ADAM29: variants seen among roughly 807,000 people sequenced by gnomAD.
ADAM29 encodes ADAM metallopeptidase domain 29.
For synonymous variants in ADAM29, 367 were observed against 342.3 expected (o/e 1.07, Z -0.80); for missense variants, 969 against 1,001.8 (o/e 0.97, Z 0.44).
chr4:174,961,863 C>G (rs989949060), intron 4 of ADAM29, among the ~76,000 whole-genome samples: 5 of 152,164 alleles, frequency 3.3e-5, no homozygotes, highest in African/African-American at 1.2e-4. Context: ...AAAGATTTCA[C>G]TGGCTTCTTC....
chr4:174,920,326 A>G (rs1484389087), intron 1 of ADAM29, among the ~76,000 whole-genome samples: 2 of 152,124 alleles, frequency 1.3e-5, no homozygotes, highest in South Asian at 2.1e-4. Flanking sequence ...AAAGTATGCA[A>G]TATTTCCTAA....
At chr4:174,945,822 G>C (rs1012615038) in intron 4 of ADAM29, among the ~76,000 whole-genome samples, 1 of 151,992 alleles carries the variant, frequency 6.6e-6, no homozygotes, top group Non-Finnish European at 1.5e-5. Flanking sequence ...CTTTATTTCT[G>C]AGTGCTCTGT....
intron 4 of ADAM29, among the ~76,000 whole-genome samples, chr4:174,943,816 GAA>G (rs11322609): frequency 3.6e-4 from 27 of 74,404 alleles, no homozygotes; most frequent in Admixed American, 4.4e-4. Context: ...AAATGTACAG[GAA>G]AAAAAAAAAA....
intron 4 of ADAM29, among the ~76,000 whole-genome samples, chr4:174,970,877 C>A (rs920198957): frequency 6.6e-6 from 1 of 151,870 alleles, no homozygotes; most frequent in African/African-American, 2.4e-5. Context: ...CTTTATCTAG[C>A]TAACATTTAT....
intron 4 of ADAM29, among the ~76,000 whole-genome samples, chr4:174,973,921 G>C (rs4615155): frequency 0.48 from 73,664 of 152,024 alleles, 18,514 homozygotes; most frequent in African/African-American, 0.63. Context: ...CATTCAGGCT[G>C]CATTTCACTG....
At chr4:174,922,102 T>C (rs572345318) in intron 2 of ADAM29, among the ~76,000 whole-genome samples, 30 of 152,258 alleles carry the variant, frequency 2.0e-4, no homozygotes, top group Non-Finnish European at 4.1e-4. Flanking sequence ...CCTTAAATAT[T>C]TCCAATATGA....
intron 4 of ADAM29, among the ~76,000 whole-genome samples, chr4:174,940,994 G>T (rs1470017045): frequency 6.6e-6 from 1 of 152,060 alleles, no homozygotes; most frequent in Non-Finnish European, 1.5e-5. Context: ...AAGTTTCTAT[G>T]TTTTAATCTG....
intron 4 of ADAM29, among the ~76,000 whole-genome samples, chr4:174,961,690 A>G (rs993424786): frequency 3.3e-5 from 5 of 152,222 alleles, no homozygotes; most frequent in African/African-American, 1.2e-4. Context: ...AAGAAATAAA[A>G]CAAGAATTAG....
chr4:174,923,889 G>A (rs941431843), intron 2 of ADAM29: 1 of 152,564 alleles, frequency 6.6e-6, no homozygotes, highest in Non-Finnish European at 1.5e-5. Flanking sequence ...TGCTTGACAA[G>A]TGCTTCTTTA....
chr4:174,965,986 G>C (rs2111081691), intron 4 of ADAM29, among the ~76,000 whole-genome samples: 1 of 152,278 alleles, frequency 6.6e-6, no homozygotes, highest in South Asian at 2.1e-4. Context: ...AGGAGGATTG[G>C]TCCCAGGACC....
chr4:174,919,967 C>G (rs1743076537), intron 1 of ADAM29, among the ~76,000 whole-genome samples: 1 of 152,178 alleles, frequency 6.6e-6, no homozygotes, highest in African/African-American at 2.4e-5. Flanking sequence ...TGACACAATA[C>G]TGTATCACTT....
At chr4:174,965,934 T>C (rs1405008846) in intron 4 of ADAM29, among the ~76,000 whole-genome samples, 2 of 152,210 alleles carry the variant, frequency 1.3e-5, no homozygotes, top group Non-Finnish European at 2.9e-5. Flanking sequence ...AACAAATTCA[T>C]GTCTTTCTCA....
chr4:174,935,712 A>C (rs1744165145), intron 3 of ADAM29, among the ~76,000 whole-genome samples: 1 of 152,048 alleles, frequency 6.6e-6, no homozygotes. Flanking sequence ...TTTCCTTCAA[A>C]TACTTAACAC....
chr4:174,942,787 C>T (rs1744615015), intron 4 of ADAM29, among the ~76,000 whole-genome samples: 1 of 152,180 alleles, frequency 6.6e-6, no homozygotes, highest in Non-Finnish European at 1.5e-5. Context: ...CAGTGAGTGG[C>T]TTGAATTTCT....
chr4:174,937,947 T>A (rs1034789602), intron 4 of ADAM29, among the ~76,000 whole-genome samples: 1 of 152,178 alleles, frequency 6.6e-6, no homozygotes, highest in South Asian at 2.1e-4. Context: ...TTAATGATAT[T>A]TCATTGTTTG....
chr4:174,935,934 A>G (rs959494915), intron 3 of ADAM29, among the ~76,000 whole-genome samples: 3 of 152,088 alleles, frequency 2.0e-5, no homozygotes, highest in African/African-American at 7.2e-5. Context: ...TGGTAGAAAC[A>G]TAAAAAGTAT....
Position 174,977,953 on chromosome 4 carries a change from C to T in ADAM29, c.2428C>T (p.Pro810Ser). The change falls in exon 5 of 5, where the codon CCT (proline) becomes TCT (serine). Residue 810 changes from proline to serine, a missense_variant. Coordinates refer to ENST00000359240, the MANE Select transcript of ADAM29 (RefSeq NM_014269.4). ...CTCCCAGAGGCAACCTCAGTTGATG[C>T]CTTCCCAGAGTCAACCTCCTGTGAC... ...TPSQRQPQLM[P>S]SQSQPPVTPS The T allele has an allele frequency of 6.3e-7, 1 of 1,593,700 alleles. No homozygotes were observed. The highest frequency in any genetic ancestry group is 2.3e-5 in the East Asian group (1 of 43,206).
chr4:174,934,015 G>A (rs1435662620), intron 3 of ADAM29, among the ~76,000 whole-genome samples: 2 of 152,082 alleles, frequency 1.3e-5, no homozygotes, highest in African/African-American at 2.4e-5. Context: ...TAGGTTGAAC[G>A]GTGCTTCTGT....
intron 2 of ADAM29, among the ~76,000 whole-genome samples, chr4:174,930,333 T>A (rs1159304936): frequency 6.6e-6 from 1 of 152,176 alleles, no homozygotes; most frequent in African/African-American, 2.4e-5. Context: ...ATTAAAGCAA[T>A]TTTCACATTG....
Sources: allele counts gnomAD v4.1 joint callset (sites outside exome capture counted in the v4.1 genomes callset), GRCh38; gene constraint gnomAD v4.1.1; transcripts MANE v1.5; gene names NCBI Gene and HGNC (gene_info 2026-07-23, HGNC 2026-07-21).